Variants in RNF32 observed in about 807,000 individuals in gnomAD.
RNF32 encodes ring finger protein 32.
RNF32 carries 36 observed loss-of-function variants against 41.0 expected under a neutral mutation model. The observed-to-expected ratio is 0.88, with a 90% CI of 0.67 to 1.16. The LOEUF is 1.16. Among genes scored for constraint, RNF32 ranks in the 50% most tolerant of loss-of-function variants. The pLI is 0.00. For missense variants in RNF32, 413 were observed against 436.7 expected (o/e 0.95, Z 0.48); for synonymous variants, 154 against 160.9 (o/e 0.96, Z 0.32).
chr7:156,676,516 T>A lies in RNF32; in HGVS notation c.950T>A (p.Met317Lys). The A allele has an allele frequency of 1.2e-6, 2 of 1,614,048 alleles. No individual in the cohort carries two copies. The highest frequency in any genetic ancestry group is 1.7e-6 in the Non-Finnish European group (2 of 1,179,942). ...RVGAGRRSRE[M>K]ALLSCSHVFH... Reference sequence around the variant, plus strand: ...GGTGCAGGCAGGCGTTCCAGAGAGATGGCCCTCCTGTCCTGCTCACATGTG... The same window carrying A: ...GGTGCAGGCAGGCGTTCCAGAGAGAAGGCCCTCCTGTCCTGCTCACATGTG... Residue 317 changes from methionine to lysine, a missense_variant, in exon 9 of 9, where the codon ATG becomes AAG. Met to Lys is a moderately conservative substitution (Grantham distance 95). Coordinates refer to ENST00000317955, the MANE Select transcript of RNF32 (RefSeq NM_030936.4).
Position 156,644,722 on chromosome 7 carries a change from A to G in RNF32, c.239A>G (p.Tyr80Cys). The change falls in exon 3 of 9, where the codon TAT (tyrosine) becomes TGT (cysteine). Residue 80 changes from tyrosine (Y) to cysteine (C), a missense_variant. Physicochemically the swap from Tyr to Cys is radical, Grantham distance 194 (BLOSUM62 -2). Transcript: ENST00000317955. ...AAACTAGAAGACTCAGAAAAAGAAT[A>G]TGTTCTTGATCCCAAACCGCCGCCG... ...CPKLEDSEKE[Y>C]VLDPKPPPLT... 6.2e-7 allele frequency: 1 copy of G among 1,611,306 alleles called. No individual in the cohort carries two copies. The highest frequency in any genetic ancestry group is 1.7e-5 in the Admixed American group (1 of 59,236).
intron 7 of RNF32, chr7:156,660,224 G>A (rs1340743141): frequency 2.0e-6 from 2 of 985,428 alleles, no homozygotes; most frequent in East Asian, 1.1e-4. Context: ...TGCTTAAAAT[G>A]TGCCAGTTTT....
chr7:156,675,864 G>A lies in RNF32; in HGVS notation c.852+1G>A. On this transcript the variant is annotated splice_donor_variant, in intron 8 of 8. Coordinates refer to ENST00000317955, the MANE Select transcript of RNF32 (RefSeq NM_030936.4). LOFTEE classifies it high-confidence loss of function. ...GGAATGGGAGAAAATCCAAGTGCAG[G>A]TAGGTTTGGCTGGCAGCCTGGCAAC... 7 of 1,611,444 alleles carry A rather than the reference G, an allele frequency of 4.3e-6. No individual in the cohort carries two copies. Among genetic ancestry groups the A allele is most frequent in the African/African-American group, 1.3e-5 (1 of 75,030 alleles).
At position 156,667,190 on chromosome 7, in the gene RNF32, T is replaced by C. The variant is rs538647423; in HGVS notation, c.685-8506T>C. Among the ~76,000 whole-genome samples, 42 of 152,358 alleles carry C rather than the reference T, an allele frequency of 2.8e-4. No homozygotes were observed. In the South Asian group the frequency reaches 6.4e-3, roughly 23 times the overall value. On this transcript the variant is annotated intron_variant, in intron 7 of 8. Coordinates refer to ENST00000317955, the MANE Select transcript of RNF32 (RefSeq NM_030936.4). ...CAGTAAAAGCTTATCAACTGATTCA[T>C]TGATATGCTGTAAATTCCAGGCTTT...
chr7:156,646,387 T>C, intron 3 of RNF32: 9 of 1,299,416 alleles, frequency 6.9e-6, no homozygotes, highest in Non-Finnish European at 9.1e-6. Flanking sequence ...CTCCAATCTC[T>C]GCCTCTGACT....
intron 7 of RNF32, among the ~76,000 whole-genome samples, chr7:156,665,840 A>G (rs1299543308): frequency 6.6e-6 from 1 of 152,244 alleles, no homozygotes; most frequent in Non-Finnish European, 1.5e-5. Flanking sequence ...AGAGGAAAAA[A>G]CAAAACACCA....
Position 156,676,797 on chromosome 7 carries a change from A to C in RNF32, c.*142A>C. The C allele has an allele frequency of 1.5e-6, 1 of 645,906 alleles. No homozygotes were observed. The highest frequency in any genetic ancestry group is 2.9e-5 in the Admixed American group (1 of 34,926). 40.0% of individuals were successfully genotyped at this position (645,906 alleles called of 1,614,324 possible). On this transcript the variant is annotated 3_prime_UTR_variant, in exon 9 of 9. Coordinates refer to ENST00000317955, the MANE Select transcript of RNF32 (RefSeq NM_030936.4). Reference sequence around the variant, plus strand: ...GCTATTGGTAGTTGTAGGAAATCTTAGTATATTTTAAAAGCTGACATCCCA... The same window carrying C: ...GCTATTGGTAGTTGTAGGAAATCTTCGTATATTTTAAAAGCTGACATCCCA...
At chr7:156,672,735 A>G (rs895913527) in intron 7 of RNF32, among the ~76,000 whole-genome samples, 3 of 152,196 alleles carry the variant, frequency 2.0e-5, no homozygotes, top group African/African-American at 7.2e-5. Flanking sequence ...ATACATATTT[A>G]TATGTGGCCC....
chr7:156,659,202 G>T, intron 7 of RNF32: 1 of 1,145,562 alleles, frequency 8.7e-7, no homozygotes, highest in Non-Finnish European at 1.1e-6. Context: ...GCTGTCATAT[G>T]AAAGCCATCA....
At position 156,675,717 on chromosome 7, in the gene RNF32, A is replaced by G. The variant is rs767799081; in HGVS notation, c.706A>G (p.Ile236Val). 1 of 1,611,254 alleles carries G rather than the reference A, an allele frequency of 6.2e-7. No individual in the cohort carries two copies. The highest frequency in any genetic ancestry group is 1.1e-5 in the South Asian group (1 of 90,966). The change falls in exon 8 of 9, where the codon ATC becomes GTC. Residue 236 changes from isoleucine to valine, a missense_variant. By Grantham distance (29) the Ile-to-Val change is conservative. Transcript: ENST00000317955. ...EKKFTEISHR[I>V]LCSYNTNIEE... ...TCAGTTCACAGAAATCAGCCACCGCATCCTGTGCTCATACAACACCAACAT... is the reference window on the plus strand; with the variant it reads ...TCAGTTCACAGAAATCAGCCACCGCGTCCTGTGCTCATACAACACCAACAT...
At chr7:156,656,296 GT>G (rs1799662153) in intron 4 of RNF32, among the ~76,000 whole-genome samples, 1 of 152,122 alleles carries the variant, frequency 6.6e-6, no homozygotes, top group South Asian at 2.1e-4. Context: ...CTTGATTTTT[GT>G]TACATCAGAG....
chr7:156,670,454 C>T lies in RNF32; in HGVS notation c.685-5242C>T, dbSNP rs770083816. On this transcript the variant is annotated intron_variant, in intron 7 of 8. Transcript: ENST00000317955. This position sits in a 1 kb window ranked among gnomAD's most constrained non-coding sequence, Gnocchi z 4.3. Reference sequence around the variant, plus strand: ...CAGAATTTGAAGAGAAAAGAGAACACGTGGGACAGAGGCAACAGCTTGAAG... The same window carrying T: ...CAGAATTTGAAGAGAAAAGAGAACATGTGGGACAGAGGCAACAGCTTGAAG... Among the ~76,000 whole-genome samples the T allele has an allele frequency of 1.2e-4, 18 of 152,144 alleles. No homozygotes were observed. Among genetic ancestry groups the T allele is most frequent in the Admixed American group, 5.2e-4 (8 of 15,274 alleles).
At chr7:156,655,319 A>G (rs1799476608) in intron 4 of RNF32, among the ~76,000 whole-genome samples, 1 of 151,936 alleles carries the variant, frequency 6.6e-6, no homozygotes, top group African/African-American at 2.4e-5. Flanking sequence ...GAATGCATAT[A>G]GGGTTTTTTC....
At chr7:156,671,962 T>TATCAAAACTTGTGGAATGGAATATTTC (rs1353088291) in intron 7 of RNF32, among the ~76,000 whole-genome samples, 5 of 152,168 alleles carry the variant, frequency 3.3e-5, no homozygotes, top group African/African-American at 1.2e-4. Context: ...CAAAAGTACA[T>TATCAAAACTTGTGGAATGGAATATTTC]ATCAAAACTT....
chr7:156,642,341 T>C (rs1797459030), intron 1 of RNF32, among the ~76,000 whole-genome samples: 1 of 152,178 alleles, frequency 6.6e-6, no homozygotes. Context: ...GAAGTACATA[T>C]GAGCTCTACA....
chr7:156,657,629 G>A (rs1273351514), intron 5 of RNF32, 56 bp downstream of exon 5: 3 of 1,547,014 alleles, frequency 1.9e-6, no homozygotes, highest in Non-Finnish European at 2.7e-6. Context: ...TCACAGTGCA[G>A]AGAAACCATA....
intron 7 of RNF32, among the ~76,000 whole-genome samples, chr7:156,663,597 A>T (rs1299118509): frequency 6.6e-6 from 1 of 152,232 alleles, no homozygotes; most frequent in Non-Finnish European, 1.5e-5. Flanking sequence ...TTACAGGTTA[A>T]CTCTAAAGTT....
At chr7:156,665,851 C>T (rs566925291) in intron 7 of RNF32, among the ~76,000 whole-genome samples, 33 of 152,314 alleles carry the variant, frequency 2.2e-4, no homozygotes, top group African/African-American at 7.5e-4. Context: ...CAAAACACCA[C>T]GTACCATCAG....
intron 7 of RNF32, chr7:156,660,236 C>A: frequency 1.0e-6 from 1 of 985,504 alleles, no homozygotes; most frequent in Non-Finnish European, 1.2e-6. Flanking sequence ...GCCAGTTTTT[C>A]AAAGCCTAGC....
Sources: allele counts gnomAD v4.1 joint callset (sites outside exome capture counted in the v4.1 genomes callset), GRCh38; gene constraint gnomAD v4.1.1; non-coding constraint Gnocchi (gnomAD v3.1); transcripts MANE v1.5; gene names NCBI Gene and HGNC (gene_info 2026-07-23, HGNC 2026-07-21).